ERC2: variants seen among roughly 807,000 people sequenced by gnomAD.
The protein encoded by ERC2 is ERC protein 2.
Under a neutral mutation model 114.8 loss-of-function variants are expected in ERC2, and 42 were observed. That is an observed-to-expected ratio of 0.37 (90% CI 0.29 to 0.47). The LOEUF (loss-of-function observed/expected upper bound fraction) is 0.47, where lower values mean the gene tolerates loss of function less well. ERC2 is among the 20% of genes least tolerant of loss of function. The pLI, the probability that ERC2 is intolerant of heterozygous loss-of-function variation, is 0.99. For missense variants in ERC2, 939 were observed against 1,150.7 expected (o/e 0.82, Z 2.66); for synonymous variants, 454 against 425.5 (o/e 1.07, Z -0.82).
At chr3:56,352,855 C>T (rs2058603810) in intron 2 of ERC2, among the ~76,000 whole-genome samples, 1 of 152,194 alleles carries the variant, frequency 6.6e-6, no homozygotes, top group Non-Finnish European at 1.5e-5. Flanking sequence ...ACCCTACCCT[C>T]TTTGCCACAT....
At chr3:56,270,039 A>T (rs891806394) in intron 3 of ERC2, among the ~76,000 whole-genome samples, 6 of 148,496 alleles carry the variant, frequency 4.0e-5, no homozygotes, top group African/African-American at 1.5e-4. Flanking sequence ...AAAGGCACAG[A>T]TATCTCCTCC....
chr3:56,101,471 T>C (rs538037298), intron 6 of ERC2, among the ~76,000 whole-genome samples: 79 of 151,018 alleles, frequency 5.2e-4, no homozygotes, highest in African/African-American at 1.9e-3. Context: ...TGCTCTTTAT[T>C]GAATGCCAGG....
intron 3 of ERC2, among the ~76,000 whole-genome samples, chr3:56,217,537 C>T (rs934352209): frequency 2.0e-5 from 3 of 152,106 alleles, no homozygotes; most frequent in African/African-American, 7.2e-5. Context: ...TAGGAAGAAT[C>T]AATATCGTGA....
At chr3:56,391,260 G>T (rs1239563822) in intron 2 of ERC2, among the ~76,000 whole-genome samples, 2 of 152,140 alleles carry the variant, frequency 1.3e-5, no homozygotes, top group Non-Finnish European at 2.9e-5. Flanking sequence ...CTGTGCCCTG[G>T]AATGAGATCA....
In ERC2 at chr3:56,036,124, A is replaced by C. The variant is rs191555395; in HGVS notation, c.1642-17093T>G. Among the ~76,000 whole-genome samples, 104 of 152,338 alleles carry C rather than the reference A, an allele frequency of 6.8e-4. No homozygotes were observed. In the East Asian group the frequency reaches 0.011, roughly 16 times the overall value. ...AGATAAAAATCACAGGATCATCCCA[A>C]TAGATGCAGAAAAAGCACTTATCAA... On this transcript the variant is annotated intron_variant, in intron 7 of 17. Coordinates refer to ENST00000288221, the MANE Select transcript of ERC2 (RefSeq NM_015576.3).
chr3:55,809,878 G>A (rs964696838), intron 14 of ERC2, among the ~76,000 whole-genome samples: 5 of 152,158 alleles, frequency 3.3e-5, no homozygotes, highest in African/African-American at 1.2e-4. Flanking sequence ...CACCAAATAT[G>A]TTACAATAAA....
chr3:56,362,722 AT>A (rs1337035628), intron 2 of ERC2, among the ~76,000 whole-genome samples: 1 of 152,210 alleles, frequency 6.6e-6, no homozygotes, highest in Non-Finnish European at 1.5e-5. Flanking sequence ...ACAATTAGCT[AT>A]TTACATCAGC....
chr3:55,937,837 G>A (rs2066546634), intron 13 of ERC2, among the ~76,000 whole-genome samples: 1 of 152,148 alleles, frequency 6.6e-6, no homozygotes, highest in Non-Finnish European at 1.5e-5. Context: ...GCTTATGTTT[G>A]GGTACATGAG....
At chr3:56,197,795 G>A (rs1172411237) in intron 3 of ERC2, among the ~76,000 whole-genome samples, 4 of 152,182 alleles carry the variant, frequency 2.6e-5, no homozygotes, top group Non-Finnish European at 4.4e-5. Flanking sequence ...CATTGGCAAT[G>A]GTAGTGGCAG....
intron 3 of ERC2, among the ~76,000 whole-genome samples, chr3:56,211,087 AT>A (rs2049030963): frequency 6.6e-6 from 1 of 152,120 alleles, no homozygotes; most frequent in Non-Finnish European, 1.5e-5. Context: ...ATTTAATATA[AT>A]TTTTCAGCCA....
intron 17 of ERC2, among the ~76,000 whole-genome samples, chr3:55,610,064 C>CAAAAAAAA (rs36088271): frequency 1.9e-4 from 23 of 118,748 alleles, no homozygotes; most frequent in East Asian, 2.7e-4. Context: ...CAAACACAAA[C>CAAAAAAAA]AAAAAAAAAA....
At chr3:55,811,837 T>C (rs1050197109) in intron 14 of ERC2, among the ~76,000 whole-genome samples, 4 of 152,220 alleles carry the variant, frequency 2.6e-5, no homozygotes. Flanking sequence ...ATTGCCTATT[T>C]GTCTTTTTTA....
At chr3:55,762,221 C>T (rs985230133) in intron 14 of ERC2, among the ~76,000 whole-genome samples, 1 of 152,120 alleles carries the variant, frequency 6.6e-6, no homozygotes, top group Non-Finnish European at 1.5e-5. Context: ...CAAAATAAAG[C>T]CTACACTGAG....
intron 3 of ERC2, among the ~76,000 whole-genome samples, chr3:56,244,844 G>C (rs2051573793): frequency 6.6e-6 from 1 of 152,086 alleles, no homozygotes. Context: ...GCAACTTCCA[G>C]TCCTGTAAAC....
chr3:56,259,720 C>A (rs1033860806), intron 3 of ERC2, among the ~76,000 whole-genome samples: 3 of 151,956 alleles, frequency 2.0e-5, no homozygotes, highest in Non-Finnish European at 4.4e-5. Context: ...TCAAACAGAG[C>A]CCCTGCCCTA....
At chr3:55,980,644 C>T (rs1397985283) in intron 12 of ERC2, among the ~76,000 whole-genome samples, 1 of 151,814 alleles carries the variant, frequency 6.6e-6, no homozygotes, top group Non-Finnish European at 1.5e-5. Flanking sequence ...ACAGAAAAAG[C>T]TAACACATCT....
At chr3:56,419,993 T>C (rs897597608) in intron 2 of ERC2, among the ~76,000 whole-genome samples, 37 of 152,152 alleles carry the variant, frequency 2.4e-4, no homozygotes, top group Admixed American at 2.2e-3. Context: ...TGTCCAACTC[T>C]CCATCTCATA....
chr3:56,141,855 G>T (rs1207726345), intron 5 of ERC2, among the ~76,000 whole-genome samples: 2 of 151,998 alleles, frequency 1.3e-5, no homozygotes, highest in African/African-American at 4.8e-5. Context: ...ATTTTGTAAG[G>T]ATCTTTTATT....
At chr3:55,954,216 G>T (rs1018419598) in intron 12 of ERC2, among the ~76,000 whole-genome samples, 2 of 148,242 alleles carry the variant, frequency 1.3e-5, no homozygotes, top group African/African-American at 5.0e-5. Flanking sequence ...GGTAAAAGAA[G>T]TATTTGGAAA....
Sources: allele counts gnomAD v4.1 joint callset (sites outside exome capture counted in the v4.1 genomes callset), GRCh38; gene constraint gnomAD v4.1.1; transcripts MANE v1.5; gene names NCBI Gene and HGNC (gene_info 2026-07-23, HGNC 2026-07-21).